Variants in PTPRD observed in about 807,000 individuals in gnomAD.
PTPRD encodes protein tyrosine phosphatase receptor type D.
PTPRD carries 34 observed loss-of-function variants against 214.5 expected under a neutral mutation model. The ratio of observed to expected loss-of-function variants is 0.16; its 90% CI spans 0.12 to 0.21. The LOEUF (loss-of-function observed/expected upper bound fraction) is 0.21, where lower values mean the gene tolerates loss of function less well. Among genes scored for constraint, PTPRD ranks in the 10% least tolerant of loss-of-function variants. PTPRD has a pLI of 1.00. For synonymous variants in PTPRD, 1,128 were observed against 845.7 expected, an observed-to-expected ratio of 1.33 and a Z score of -5.79; for missense variants, 2,545 against 2,398.7, an observed-to-expected ratio of 1.06 and a Z score of -1.27.
chr9:9,949,161 T>C (rs930857906), intron 4 of PTPRD, among the ~76,000 whole-genome samples: 3 of 152,116 alleles, frequency 2.0e-5, no homozygotes, highest in African/African-American at 4.8e-5. Flanking sequence ...CTCCATGATC[T>C]GTAGAAAATA....
chr9:9,468,649 CTTTT>C (rs1320728625), intron 8 of PTPRD, among the ~76,000 whole-genome samples: 1 of 151,860 alleles, frequency 6.6e-6, no homozygotes, highest in African/African-American at 2.4e-5. Flanking sequence ...AAACCCAGTA[CTTTT>C]TTTGTTAGTT....
At chr9:10,251,310 T>G (rs1197420501) in intron 3 of PTPRD, among the ~76,000 whole-genome samples, 2 of 152,132 alleles carry the variant, frequency 1.3e-5, no homozygotes, top group Non-Finnish European at 2.9e-5. Context: ...GACATGAATC[T>G]CTACCTTTCA....
In PTPRD at chr9:9,831,717, G is replaced by A. The variant is rs187642836; in HGVS notation, c.-367-64866C>T. 1.7e-4 allele frequency among the ~76,000 whole-genome samples: 26 copies of A among 152,034 alleles called. 1 individual carries two copies. In the East Asian group the frequency reaches 2.5e-3, roughly 15 times the overall value. On this transcript the variant is annotated intron_variant, in intron 5 of 45. Coordinates refer to ENST00000381196, the MANE Select transcript of PTPRD (RefSeq NM_002839.4). Reference sequence around the variant, plus strand: ...AGCATTTTATCTATAGACAAACTGCGTAATTTCCCTAATTTATATCATCAA... The same window carrying A: ...AGCATTTTATCTATAGACAAACTGCATAATTTCCCTAATTTATATCATCAA...
intron 10 of PTPRD, among the ~76,000 whole-genome samples, chr9:9,156,938 G>T (rs146842777): frequency 3.3e-5 from 5 of 152,280 alleles, no homozygotes; most frequent in African/African-American, 1.2e-4. Context: ...CTAGGCAGTT[G>T]CTTCTTAGGA....
intron 3 of PTPRD, among the ~76,000 whole-genome samples, chr9:10,113,738 C>A (rs557063565): frequency 1.9e-4 from 29 of 152,294 alleles, no homozygotes; most frequent in Non-Finnish European, 2.4e-4. Context: ...TGCTTCGCCA[C>A]TTTAATGTGG....
intron 10 of PTPRD, among the ~76,000 whole-genome samples, chr9:9,134,452 C>G (rs1189491522): frequency 6.6e-6 from 1 of 152,150 alleles, no homozygotes; most frequent in Non-Finnish European, 1.5e-5. Flanking sequence ...TCTCACACCT[C>G]CACTTGGTCT....
At chr9:9,132,168 T>C (rs2099843835) in intron 10 of PTPRD, among the ~76,000 whole-genome samples, 1 of 152,024 alleles carries the variant, frequency 6.6e-6, no homozygotes, top group Non-Finnish European at 1.5e-5. Flanking sequence ...CCACCATACC[T>C]GGCTAATTTT....
intron 3 of PTPRD, among the ~76,000 whole-genome samples, chr9:10,095,816 G>C (rs1321508173): frequency 6.6e-6 from 1 of 151,476 alleles, no homozygotes; most frequent in Non-Finnish European, 1.5e-5. Flanking sequence ...TAGTTTGAAT[G>C]ATTTAAACTG....
In PTPRD at chr9:8,404,526, C is replaced by T. The variant is rs1564575132; in HGVS notation, c.4210+11G>A. On this transcript the variant is annotated intron_variant, in intron 36 of 45. Transcript: ENST00000381196. ...AAAATAAAGGTATCAGTGATGTCTG[C>T]ATTTCCTTACCTTCTATAGCTGATA... is the stretch of plus-strand genomic sequence containing the variant. 1.9e-6 allele frequency: 3 copies of T among 1,605,164 alleles called. No homozygotes were observed. The highest frequency in any genetic ancestry group is 2.6e-6 in the Non-Finnish European group (3 of 1,173,220).
chr9:9,366,251 G>A (rs1167936037), intron 9 of PTPRD, among the ~76,000 whole-genome samples: 4 of 151,546 alleles, frequency 2.6e-5, no homozygotes, highest in Non-Finnish European at 5.9e-5. Context: ...ACACCTGAGT[G>A]TTGTAATTTT....
At position 9,366,680 on chromosome 9, in the gene PTPRD, C is replaced by T. The variant is rs140465959; in HGVS notation, c.-203+30769G>A. Among the ~76,000 whole-genome samples, 998 of 151,408 alleles carry T rather than the reference C, an allele frequency of 6.6e-3. 10 individuals are homozygous for T. The highest frequency in any genetic ancestry group is 8.2e-3 in the Non-Finnish European group (556 of 67,684). ...TACCAGTTACATTTCTTATTTGACA[C>T]TGATTTTAGTAAATGAAATATGCAA... is the stretch of plus-strand genomic sequence containing the variant. On this transcript the variant is annotated intron_variant, in intron 9 of 45. Coordinates refer to ENST00000381196, the MANE Select transcript of PTPRD (RefSeq NM_002839.4).
chr9:9,094,443 C>T (rs2099780613), intron 10 of PTPRD, among the ~76,000 whole-genome samples: 1 of 152,210 alleles, frequency 6.6e-6, no homozygotes, highest in African/African-American at 2.4e-5. Context: ...ATCGTATGTT[C>T]CCACTTATAA....
At chr9:9,081,564 C>T (rs2099759065) in intron 10 of PTPRD, among the ~76,000 whole-genome samples, 1 of 152,038 alleles carries the variant, frequency 6.6e-6, no homozygotes, top group African/African-American at 2.4e-5. Context: ...AATTTTCTGT[C>T]TCGTTGATCT....
intron 10 of PTPRD, among the ~76,000 whole-genome samples, chr9:9,095,375 C>T (rs2099782008): frequency 6.6e-6 from 1 of 152,104 alleles, no homozygotes; most frequent in Non-Finnish European, 1.5e-5. Flanking sequence ...TATAAAAAGG[C>T]TATTTGAACT....
chr9:8,879,527 C>T (rs1156650493), intron 11 of PTPRD, among the ~76,000 whole-genome samples: 2 of 152,122 alleles, frequency 1.3e-5, no homozygotes, highest in Non-Finnish European at 2.9e-5. Context: ...AGCTCATTGG[C>T]CAGTGGCAGT....
chr9:10,177,540 G>A (rs897570700), intron 3 of PTPRD, among the ~76,000 whole-genome samples: 2 of 151,768 alleles, frequency 1.3e-5, no homozygotes, highest in African/African-American at 4.8e-5. Flanking sequence ...AAGATAGGCG[G>A]GACAGGAAGA....
At position 8,970,589 on chromosome 9, in the gene PTPRD, G is replaced by C. The variant is rs1225255539; in HGVS notation, c.-104+48108C>G. On this transcript the variant is annotated intron_variant, in intron 11 of 45. Coordinates refer to ENST00000381196, the MANE Select transcript of PTPRD (RefSeq NM_002839.4). ...AAGGAAACAATAAGCTATTAAAAAAGACATAGAAGTGGAGAAAAGAAAAAA... is the reference window on the plus strand; with the variant it reads ...AAGGAAACAATAAGCTATTAAAAAACACATAGAAGTGGAGAAAAGAAAAAA... Among the ~76,000 whole-genome samples the C allele has an allele frequency of 2.0e-5, 3 of 151,516 alleles. No individual in the cohort carries two copies. The Admixed American group carries it at 2.0e-4, about 10-fold the overall frequency.
At chr9:9,327,397 C>G (rs1019670611) in intron 9 of PTPRD, among the ~76,000 whole-genome samples, 2 of 152,084 alleles carry the variant, frequency 1.3e-5, no homozygotes, top group South Asian at 4.1e-4. Flanking sequence ...GACCTTTGTT[C>G]CAGTAATTTT....
intron 11 of PTPRD, among the ~76,000 whole-genome samples, chr9:8,987,926 C>G (rs2099351944): frequency 6.6e-6 from 1 of 151,866 alleles, no homozygotes; most frequent in South Asian, 2.1e-4. Flanking sequence ...CTGAATGACC[C>G]TTGTAAAGAG....
Sources: allele counts gnomAD v4.1 joint callset (sites outside exome capture counted in the v4.1 genomes callset), GRCh38; gene constraint gnomAD v4.1.1; transcripts MANE v1.5; gene names NCBI Gene and HGNC (gene_info 2026-07-23, HGNC 2026-07-21).